Variants in OLFM2 observed in about 807,000 individuals in gnomAD.
OLFM2 encodes the protein olfactomedin 2.
A neutral mutation model predicts 43.9 loss-of-function variants in OLFM2; 20 were observed. The ratio of observed to expected loss-of-function variants is 0.46; its 90% CI spans 0.32 to 0.66. The LOEUF (loss-of-function observed/expected upper bound fraction) is 0.66, where lower values mean the gene tolerates loss of function less well. Among genes scored for constraint, OLFM2 ranks in the 30% least tolerant of loss-of-function variants. The probability of loss-of-function intolerance (pLI) is 0.04; values close to 1 mark genes in which losing one functional copy is unlikely to be tolerated. For missense variants in OLFM2, 416 were observed against 643.6 expected (o/e 0.65, Z 3.83); for synonymous variants, 268 against 278.6 (o/e 0.96, Z 0.38).
At chr19:9,875,744 C>A (rs1482672395) in intron 1 of OLFM2, among the ~76,000 whole-genome samples, 5 of 151,652 alleles carry the variant, frequency 3.3e-5, no homozygotes, top group Admixed American at 6.6e-5. Context: ...TGAGCTCAAG[C>A]AATCCTCCCA....
Position 9,854,666 on chromosome 19 carries a change from C to G in OLFM2, c.885G>C (p.Ser295=). The G allele has an allele frequency of 1.2e-6, 2 of 1,614,184 alleles. No individual in the cohort carries two copies. Among genetic ancestry groups the G allele is most frequent in the Non-Finnish European group, 1.7e-6 (2 of 1,180,036 alleles). ...GGCTCCTCTGCACCAGCACAGAGCGCGAGCGGAAGTGGTATTTGACCACCA... is the reference window on the plus strand; with the variant it reads ...GGCTCCTCTGCACCAGCACAGAGCGGGAGCGGAAGTGGTATTTGACCACCA... The part of the protein sequence containing the change: ...SNVVVKYHFR[S]RSVLVQRSLP... Residue 295 remains serine (S), a synonymous_variant, in exon 6 of 6, where the codon TCG becomes TCC. Transcript: ENST00000264833. This position sits in a 1 kb window ranked among gnomAD's most constrained non-coding sequence, Gnocchi z 9.5.
intron 1 of OLFM2, among the ~76,000 whole-genome samples, chr19:9,932,197 T>A (rs8110355): frequency 0.28 from 41,840 of 151,810 alleles, 6,777 homozygotes; most frequent in African/African-American, 0.45. Flanking sequence ...TGGTGGCTCA[T>A]GCCTATAATC....
intron 1 of OLFM2, among the ~76,000 whole-genome samples, chr19:9,915,493 CTTTTTTATTTATTTAT>C (rs763787641): frequency 3.8e-5 from 5 of 130,882 alleles, no homozygotes; most frequent in Admixed American, 6.9e-5. Flanking sequence ...GAGAAAGGGA[CTTTTTTATTTATTTAT>C]TTATTTATTT....
chr19:9,875,493 G>A (rs2046477783), intron 1 of OLFM2, among the ~76,000 whole-genome samples: 1 of 149,988 alleles, frequency 6.7e-6, no homozygotes, highest in Non-Finnish European at 1.5e-5. Context: ...GGCCTGGCCG[G>A]GGATGAAGAT....
chr19:9,919,763 T>C (rs1473732243), intron 1 of OLFM2, among the ~76,000 whole-genome samples: 1 of 147,734 alleles, frequency 6.8e-6, no homozygotes, highest in Non-Finnish European at 1.5e-5. Context: ...ATTACAGGCA[T>C]AAGCCACCAC....
intron 1 of OLFM2, among the ~76,000 whole-genome samples, chr19:9,933,136 A>G (rs2145014627): frequency 6.6e-6 from 1 of 152,202 alleles, no homozygotes; most frequent in South Asian, 2.1e-4. Context: ...GACACCCACA[A>G]GGCTCCCTCT....
chr19:9,889,416 T>C (rs2046618852), intron 1 of OLFM2, among the ~76,000 whole-genome samples: 1 of 151,740 alleles, frequency 6.6e-6, no homozygotes, highest in Admixed American at 6.6e-5. Context: ...GCCTAGTAAA[T>C]GTTTGTCTTC....
chr19:9,859,209 T>A (rs1258078426), intron 2 of OLFM2, among the ~76,000 whole-genome samples: 1 of 152,228 alleles, frequency 6.6e-6, no homozygotes, highest in African/African-American at 2.4e-5. Flanking sequence ...TTTTACATAC[T>A]CTTCCCTTCT....
intron 1 of OLFM2, among the ~76,000 whole-genome samples, chr19:9,875,876 C>T (rs555198836): frequency 6.6e-6 from 1 of 152,176 alleles, no homozygotes; most frequent in African/African-American, 2.4e-5. Flanking sequence ...AAAAGCCTGC[C>T]TTGGGTACAC....
At position 9,854,656 on chromosome 19, in the gene OLFM2, G is replaced by T. The variant is rs202128251; in HGVS notation, c.895C>A (p.Leu299Met). 281 of 1,614,230 alleles carry T rather than the reference G, an allele frequency of 1.7e-4. No homozygotes were observed. Among genetic ancestry groups the T allele is most frequent in the Non-Finnish European group, 2.2e-4 (263 of 1,180,034 alleles). ...GCGCCCGGGAGGCTCCTCTGCACCA[G>T]CACAGAGCGCGAGCGGAAGTGGTAT... is the stretch of plus-strand genomic sequence containing the variant. ...VKYHFRSRSV[L>M]VQRSLPGAGY... The change falls in exon 6 of 6, where the codon CTG becomes ATG. Residue 299 changes from leucine (L) to methionine (M), a missense_variant. By Grantham distance (15) the Leu-to-Met change is conservative (BLOSUM62 2). Transcript: ENST00000264833. This position sits in a 1 kb window ranked among gnomAD's most constrained non-coding sequence, Gnocchi z 9.5.
At chr19:9,930,680 A>G (rs973781122) in intron 1 of OLFM2, among the ~76,000 whole-genome samples, 1 of 145,156 alleles carries the variant, frequency 6.9e-6, no homozygotes, top group Admixed American at 7.0e-5. Context: ...CCCTGTCTCT[A>G]TTAAAAATAC....
At chr19:9,930,853 A>G (rs1263497646) in intron 1 of OLFM2, among the ~76,000 whole-genome samples, 2 of 151,022 alleles carry the variant, frequency 1.3e-5, no homozygotes, top group Non-Finnish European at 2.9e-5. Flanking sequence ...ACTCTGTTTC[A>G]AATATCATCA....
At chr19:9,919,789 A>ATTTT (rs750249042) in intron 1 of OLFM2, among the ~76,000 whole-genome samples, 8 of 90,574 alleles carry the variant, frequency 8.8e-5, no homozygotes, top group Non-Finnish European at 1.3e-4. Context: ...GACCACTGCC[A>ATTTT]TTTTTTTTTT....
intron 1 of OLFM2, among the ~76,000 whole-genome samples, chr19:9,874,328 C>CTTTTTT (rs35985373): frequency 1.7e-5 from 2 of 120,254 alleles, no homozygotes; most frequent in African/African-American, 3.3e-5. Context: ...CCCCACTGGC[C>CTTTTTT]TTTTTTTTTT....
At chr19:9,859,892 C>T (rs1034182985) in intron 2 of OLFM2, among the ~76,000 whole-genome samples, 2 of 151,948 alleles carry the variant, frequency 1.3e-5, no homozygotes, top group Admixed American at 6.6e-5. Flanking sequence ...CTGTAATCCC[C>T]GCACTTTGGG....
At chr19:9,898,319 C>T (rs975008421) in intron 1 of OLFM2, among the ~76,000 whole-genome samples, 4 of 150,124 alleles carry the variant, frequency 2.7e-5, no homozygotes, top group South Asian at 2.2e-4. Context: ...GTCAGGAGTT[C>T]GAGACCAGCC....
chr19:9,915,950 A>G (rs2046873318), intron 1 of OLFM2, among the ~76,000 whole-genome samples: 1 of 152,242 alleles, frequency 6.6e-6, no homozygotes, highest in African/African-American at 2.4e-5. Flanking sequence ...ACCAGGAAGG[A>G]GGCCAGTGTA....
chr19:9,899,971 C>CAAGT (rs2046717012), intron 1 of OLFM2, among the ~76,000 whole-genome samples: 1 of 152,072 alleles, frequency 6.6e-6, no homozygotes, highest in Non-Finnish European at 1.5e-5. Flanking sequence ...TCCACAAGAG[C>CAAGT]AAGTGCCTTG....
At chr19:9,859,161 T>C (rs1599464786) in intron 2 of OLFM2, among the ~76,000 whole-genome samples, 1 of 152,158 alleles carries the variant, frequency 6.6e-6, no homozygotes, top group Admixed American at 6.5e-5. Context: ...TCCCAGAAAC[T>C]CAGCAGCCTA....
Sources: gnomAD v4.1 joint callset for allele counts (sites outside exome capture counted in the v4.1 genomes callset) on GRCh38, gnomAD v4.1.1 for gene constraint, Gnocchi (gnomAD v3.1) non-coding constraint, MANE v1.5 for transcripts, NCBI Gene and HGNC (gene_info 2026-07-23, HGNC 2026-07-21) for gene names.